Variants in RAP1GAP2 observed in about 807,000 individuals in gnomAD.
RAP1GAP2 encodes the protein rap1 GTPase-activating protein 2.
In RAP1GAP2, 27 loss-of-function variants were observed where a neutral mutation model predicts 95.0. That is an observed-to-expected ratio of 0.28 (90% CI 0.21 to 0.39). The LOEUF (loss-of-function observed/expected upper bound fraction) is 0.39. Among genes scored for constraint, RAP1GAP2 ranks in the 10% least tolerant of loss-of-function variants. The pLI is 1.00. For synonymous variants in RAP1GAP2, 373 were observed against 380.9 expected (o/e 0.98, Z 0.24); for missense variants, 771 against 970.0 (o/e 0.79, Z 2.72).
chr17:2,781,998 G>A (rs922948678), intron 1 of RAP1GAP2, among the ~76,000 whole-genome samples: 7 of 152,228 alleles, frequency 4.6e-5, no homozygotes, highest in African/African-American at 1.7e-4. Context: ...TTGTTCATGG[G>A]TACTTTCTCT....
rs570699990 is a variant in RAP1GAP2 at position 2,883,099 on chromosome 17, C to T, written c.81-22185C>T. On this transcript the variant is annotated intron_variant, in intron 2 of 24. Transcript: ENST00000254695. ...TGTGAAGGTGGGGTGGGCAGCAGAGCAGCTTCCAGGGGCTACCTCCATCTT... is the reference window on the plus strand; with the variant it reads ...TGTGAAGGTGGGGTGGGCAGCAGAGTAGCTTCCAGGGGCTACCTCCATCTT... Among the ~76,000 whole-genome samples the T allele has an allele frequency of 4.5e-3, 689 of 152,316 alleles. 5 individuals carry two copies. The highest frequency in any genetic ancestry group is 0.015 in the African/African-American group (635 of 41,586).
chr17:2,914,665 TA>T (rs1434024596), intron 3 of RAP1GAP2, among the ~76,000 whole-genome samples: 2 of 146,930 alleles, frequency 1.4e-5, no homozygotes, highest in Non-Finnish European at 3.0e-5. Context: ...AAATTTTTTG[TA>T]TTTTTAGTAG....
intron 2 of RAP1GAP2, among the ~76,000 whole-genome samples, chr17:2,806,376 T>TTTTTTATTATTATTATTATTATTATTA (rs150744972): frequency 2.1e-5 from 3 of 139,950 alleles, no homozygotes; most frequent in African/African-American, 8.0e-5. Context: ...CTACAACCTT[T>TTTTTTATTATTATTATTATTATTATTA]TTATTATTAT....
intron 2 of RAP1GAP2, among the ~76,000 whole-genome samples, chr17:2,854,422 G>A (rs572835196): frequency 2.0e-5 from 3 of 152,352 alleles, no homozygotes; most frequent in African/African-American, 7.2e-5. Context: ...AGCCGCGGAT[G>A]CCATTGATCC....
rs572643479 is a variant in RAP1GAP2 at position 2,954,656 on chromosome 17, C to T, written c.166-3103C>T. ...TTGCCCAGGCTGGAGTGCAATGGTG[C>T]GATCTCTGCTCACTGCAACCTCTGC... On this transcript the variant is annotated intron_variant, in intron 3 of 24. Transcript: ENST00000254695. Among the ~76,000 whole-genome samples the T allele has an allele frequency of 7.6e-4, 116 of 152,086 alleles. No individual in the cohort carries two copies. The Middle Eastern group carries it at 0.014, about 18-fold the overall frequency.
At chr17:2,985,087 C>T (rs200244804) in intron 11 of RAP1GAP2, 21 bp downstream of exon 11, 26 of 1,613,342 alleles carry the variant, frequency 1.6e-5, no homozygotes, top group South Asian at 4.4e-5. Flanking sequence ...CCATCCATAC[C>T]GGTGACTGTA....
upstream of RAP1GAP2, chr17:2,755,652 C>T (rs1211466372): frequency 2.8e-5 from 7 of 251,236 alleles, no homozygotes; most frequent in East Asian, 1.5e-4. Context: ...CCCGGACACC[C>T]GCCTGCGGCA....
chr17:2,901,721 G>A (rs1465442437), intron 2 of RAP1GAP2, among the ~76,000 whole-genome samples: 1 of 152,092 alleles, frequency 6.6e-6, no homozygotes, highest in South Asian at 2.1e-4. Flanking sequence ...CAAGCACCGC[G>A]TCACTTAACT....
chr17:2,971,249 C>G (rs550064960), intron 8 of RAP1GAP2, among the ~76,000 whole-genome samples: 1 of 151,936 alleles, frequency 6.6e-6, no homozygotes, highest in Non-Finnish European at 1.5e-5. Context: ...TTTAAAAAAA[C>G]CACTAAACCA....
intron 1 of RAP1GAP2, among the ~76,000 whole-genome samples, chr17:2,781,827 G>C (rs150365045): frequency 0.018 from 2,588 of 139,902 alleles, 103 homozygotes; most frequent in African/African-American, 0.066. Context: ...TGTGTGTGCA[G>C]GTCTCTGTGT....
At chr17:2,938,981 C>T (rs903897229) in intron 3 of RAP1GAP2, among the ~76,000 whole-genome samples, 10 of 152,132 alleles carry the variant, frequency 6.6e-5, no homozygotes, top group Admixed American at 1.3e-4. Flanking sequence ...AGTGAAACTC[C>T]GTCTCAAAAA....
chr17:2,956,208 G>A (rs2151469087), intron 3 of RAP1GAP2, among the ~76,000 whole-genome samples: 1 of 152,346 alleles, frequency 6.6e-6, no homozygotes, highest in East Asian at 1.9e-4. Context: ...CTGGATGTTT[G>A]GCGGCTCACT....
At chr17:2,862,996 C>CAAA (rs1164520490) in intron 2 of RAP1GAP2, among the ~76,000 whole-genome samples, 12 of 49,010 alleles carry the variant, frequency 2.4e-4, no homozygotes, top group Non-Finnish European at 2.8e-4. Context: ...GACTCTGTCT[C>CAAA]AAAAAAAAAA....
chr17:2,826,614 G>A (rs1333842083), intron 2 of RAP1GAP2, among the ~76,000 whole-genome samples: 1 of 151,956 alleles, frequency 6.6e-6, no homozygotes, highest in Non-Finnish European at 1.5e-5. Flanking sequence ...GAGGGGTGGG[G>A]CCTGAATGTC....
At chr17:2,869,018 T>C (rs906387225) in intron 2 of RAP1GAP2, among the ~76,000 whole-genome samples, 2 of 152,112 alleles carry the variant, frequency 1.3e-5, no homozygotes, top group African/African-American at 4.8e-5. Context: ...CTCGCCATGT[T>C]CTCACATAGC....
In RAP1GAP2 at chr17:2,870,034, C is replaced by T. The variant is rs1247351650; in HGVS notation, c.81-35250C>T. ...GTGCGTTGACCTGCAGAGCAGGCCT[C>T]AGGGGTGGGAATCTGTATGGCCCCT... On this transcript the variant is annotated intron_variant, in intron 2 of 24. Coordinates refer to ENST00000254695, the MANE Select transcript of RAP1GAP2 (RefSeq NM_015085.5). This position sits in a 1 kb window ranked among gnomAD's most constrained non-coding sequence, Gnocchi z 4.4. 2.0e-5 allele frequency among the ~76,000 whole-genome samples: 3 copies of T among 151,982 alleles called. No individual in the cohort carries two copies. Among genetic ancestry groups the T allele is most frequent in the Non-Finnish European group, 4.4e-5 (3 of 68,020 alleles).
intron 8 of RAP1GAP2, among the ~76,000 whole-genome samples, chr17:2,969,638 A>G (rs371367539): frequency 1.3e-5 from 2 of 150,806 alleles, no homozygotes; most frequent in African/African-American, 2.4e-5. Context: ...AGTAGCTGGG[A>G]CTACAGGCTC....
At chr17:2,889,194 C>T (rs1474979895) in intron 2 of RAP1GAP2, among the ~76,000 whole-genome samples, 1 of 152,178 alleles carries the variant, frequency 6.6e-6, no homozygotes, top group Admixed American at 6.5e-5. Context: ...CTTACGTTCC[C>T]ACCAATCGTG....
chr17:2,800,453 A>G, intron 1 of RAP1GAP2, 62 bp from the exon 2 acceptor site: 4 of 1,558,828 alleles, frequency 2.6e-6, no homozygotes, highest in Non-Finnish European at 8.8e-7. Context: ...TCCTCCATAC[A>G]GATGCTATGT....
Sources: gnomAD v4.1 joint callset for allele counts (sites outside exome capture counted in the v4.1 genomes callset) on GRCh38, gnomAD v4.1.1 for gene constraint, Gnocchi (gnomAD v3.1) non-coding constraint, MANE v1.5 for transcripts, NCBI Gene and HGNC (gene_info 2026-07-23, HGNC 2026-07-21) for gene names.